The following CNTNAP2 variants were observed in gnomAD, a reference collection of about 807,000 sequenced individuals.
CNTNAP2 encodes the protein contactin-associated protein-like 2.
CNTNAP2 carries 98 observed loss-of-function variants against 155.2 expected under a neutral mutation model. The ratio of observed to expected loss-of-function variants is 0.63; its 90% confidence interval spans 0.54 to 0.75. The LOEUF is 0.75. Among genes scored for constraint, CNTNAP2 ranks in the 30% least tolerant of loss-of-function variants. The pLI is 0.00. For synonymous variants in CNTNAP2, 651 were observed against 631.2 expected, an observed-to-expected ratio of 1.03 and a Z score of -0.47; for missense variants, 1,727 against 1,688.1, an observed-to-expected ratio of 1.02 and a Z score of -0.40.
At position 147,745,595 on chromosome 7, in the gene CNTNAP2, G is replaced by A. The variant is rs143927281; in HGVS notation, c.2098+106289G>A. Among the ~76,000 whole-genome samples the A allele has an allele frequency of 2.0e-4, 30 of 152,234 alleles. No homozygotes were observed. The East Asian group carries it at 5.0e-3, about 25-fold the overall frequency. On this transcript the variant is annotated intron_variant, in intron 13 of 23. Coordinates refer to ENST00000361727, the MANE Select transcript of CNTNAP2 (RefSeq NM_014141.6). ...ATGTCTTAACATGAAACTGTAATGC[G>A]ATTTTCATTCAGTTCTTAATTTCAG...
At chr7:147,961,236 A>C (rs1801116184) in intron 14 of CNTNAP2, among the ~76,000 whole-genome samples, 1 of 152,096 alleles carries the variant, frequency 6.6e-6, no homozygotes, top group Non-Finnish European at 1.5e-5. Flanking sequence ...TACTCAAATG[A>C]AAAAATCCAT....
chr7:147,468,555 T>A (rs1460768587), intron 10 of CNTNAP2, among the ~76,000 whole-genome samples: 1 of 152,180 alleles, frequency 6.6e-6, no homozygotes, highest in African/African-American at 2.4e-5. Context: ...ATAGATGAGA[T>A]TATGTAAATC....
chr7:148,399,578 C>A (rs1291054588), intron 22 of CNTNAP2, among the ~76,000 whole-genome samples: 1 of 152,108 alleles, frequency 6.6e-6, no homozygotes, highest in African/African-American at 2.4e-5. Flanking sequence ...GAAAGGTATC[C>A]AAGGTCATAC....
rs149185385 is a variant in CNTNAP2, at chr7:148,118,242, T to C, written c.2508T>C (p.Phe836=). The change falls in exon 16 of 24, where the codon TTT becomes TTC. Residue 836 remains phenylalanine, a synonymous_variant. Coordinates refer to ENST00000361727, the MANE Select transcript of CNTNAP2 (RefSeq NM_014141.6). The stretch of plus-strand genomic sequence containing the variant: ...AAACATTAACCCCCTGGGGAGTGTT[T>C]CTTGAAAATATGGGAAAGGAAGATT... ...YFKTLTPWGV[F]LENMGKEDFI... 1.0e-3 allele frequency: 1,649 copies of C among 1,614,064 alleles called. 3 individuals carry two copies. Among genetic ancestry groups the C allele is most frequent in the Non-Finnish European group, 1.3e-3 (1,573 of 1,180,040 alleles).
intron 1 of CNTNAP2, among the ~76,000 whole-genome samples, chr7:146,366,984 C>G (rs1027490490): frequency 6.6e-6 from 1 of 152,064 alleles, no homozygotes; most frequent in African/African-American, 2.4e-5. Flanking sequence ...CCTTGAAAGA[C>G]CATAGTTAAT....
intron 3 of CNTNAP2, among the ~76,000 whole-genome samples, chr7:146,921,767 G>T (rs1202149259): frequency 1.3e-5 from 2 of 152,072 alleles, no homozygotes; most frequent in Non-Finnish European, 2.9e-5. Context: ...ATTTCAGGTG[G>T]CCTGAGTCTC....
Position 147,281,778 on chromosome 7 carries a change from T to G in CNTNAP2, c.1349-18363T>G, listed in dbSNP as rs191185484. Among the ~76,000 whole-genome samples, 29 of 152,022 alleles carry G rather than the reference T, an allele frequency of 1.9e-4. No homozygotes were observed. In the East Asian group the frequency reaches 4.1e-3, roughly 21 times the overall value. ...TAATAAATTGGTAAAATTGATGAAT[T>G]TGGTGAGTTAGTCATCACCTGATTC... is the stretch of plus-strand genomic sequence containing the variant. On this transcript the variant is annotated intron_variant, in intron 8 of 23. Transcript: ENST00000361727.
chr7:146,796,610 G>A (rs756303947), intron 2 of CNTNAP2, among the ~76,000 whole-genome samples: 11 of 151,930 alleles, frequency 7.2e-5, no homozygotes, highest in African/African-American at 2.4e-4. Flanking sequence ...GTGATATAAC[G>A]GTATAGGGAC....
At chr7:147,968,304 C>T (rs1801260820) in intron 14 of CNTNAP2, among the ~76,000 whole-genome samples, 1 of 152,216 alleles carries the variant, frequency 6.6e-6, no homozygotes, top group East Asian at 1.9e-4. Context: ...AAGGCCTAGA[C>T]TATTCTCACT....
intron 3 of CNTNAP2, among the ~76,000 whole-genome samples, chr7:146,908,349 T>C (rs1796192122): frequency 6.7e-6 from 1 of 149,702 alleles, no homozygotes; most frequent in Admixed American, 6.6e-5. Context: ...AGAATATACA[T>C]TCTTTTCAGC....
chr7:147,936,965 G>A (rs1038282106), intron 14 of CNTNAP2, among the ~76,000 whole-genome samples: 3 of 152,146 alleles, frequency 2.0e-5, no homozygotes, highest in African/African-American at 7.2e-5. Context: ...CTGCAGGACA[G>A]GAGACATCCA....
At chr7:147,039,436 G>A (rs537522773) in intron 3 of CNTNAP2, among the ~76,000 whole-genome samples, 13 of 152,220 alleles carry the variant, frequency 8.5e-5, no homozygotes, top group African/African-American at 3.1e-4. Context: ...TCATCATTTA[G>A]CTCCCACTTA....
At chr7:146,160,768 G>C (rs1021273893) in intron 1 of CNTNAP2, among the ~76,000 whole-genome samples, 3 of 152,130 alleles carry the variant, frequency 2.0e-5, no homozygotes, top group African/African-American at 7.2e-5. Flanking sequence ...AATTCTACCA[G>C]AGGTACAAAG....
intron 8 of CNTNAP2, among the ~76,000 whole-genome samples, chr7:147,245,305 C>T (rs773368575): frequency 8.6e-5 from 13 of 151,984 alleles, no homozygotes; most frequent in Non-Finnish European, 1.5e-4. Flanking sequence ...GTGGAATTCT[C>T]TAGAGAATGC....
intron 22 of CNTNAP2, among the ~76,000 whole-genome samples, chr7:148,385,572 T>C (rs1227854317): frequency 1.3e-5 from 2 of 152,122 alleles, no homozygotes; most frequent in African/African-American, 4.8e-5. Context: ...TCAGGGCCAA[T>C]AGACTAGTTT....
intron 14 of CNTNAP2, among the ~76,000 whole-genome samples, chr7:147,919,877 G>A (rs73166289): frequency 0.2 from 29,731 of 151,412 alleles, 3,565 homozygotes; most frequent in Middle Eastern, 0.34. Flanking sequence ...ATGAGCCACC[G>A]TGCCCGGCCA....
At chr7:146,525,582 ATCT>A (rs1446101754) in intron 1 of CNTNAP2, among the ~76,000 whole-genome samples, 16 of 135,252 alleles carry the variant, frequency 1.2e-4, no homozygotes, top group African/African-American at 5.1e-4. Context: ...CTATCTCTCT[ATCT>A]ATCATCTATC....
chr7:147,376,723 T>C (rs1452375054), intron 9 of CNTNAP2, among the ~76,000 whole-genome samples: 1 of 151,884 alleles, frequency 6.6e-6, no homozygotes, highest in Non-Finnish European at 1.5e-5. Flanking sequence ...TTCCTCTATT[T>C]TAGAGGTAAG....
At chr7:146,650,007 G>A (rs1191094033) in intron 1 of CNTNAP2, among the ~76,000 whole-genome samples, 3 of 152,110 alleles carry the variant, frequency 2.0e-5, no homozygotes, top group Admixed American at 2.0e-4. Context: ...AAAATGTCAG[G>A]AAACAAAAGA....
Sources: gnomAD v4.1 joint callset for allele counts (sites outside exome capture counted in the v4.1 genomes callset) on GRCh38, gnomAD v4.1.1 for gene constraint, MANE v1.5 for transcripts, NCBI Gene and HGNC (gene_info 2026-07-23, HGNC 2026-07-21) for gene names.